The following STK32B variants were observed in gnomAD, a reference collection of about 807,000 sequenced individuals.
STK32B encodes serine/threonine-protein kinase 32B.
STK32B carries 43 observed loss-of-function variants against 52.6 expected under a neutral mutation model. The observed-to-expected ratio is 0.82, with a 90% CI of 0.64 to 1.05. STK32B has a LOEUF of 1.05. Among genes scored for constraint, STK32B ranks in the 50% least tolerant of loss-of-function variants. The pLI is 0.00. For synonymous variants in STK32B, 238 were observed against 204.3 expected (o/e 1.17, Z -1.41); for missense variants, 621 against 534.6 (o/e 1.16, Z -1.59).
intron 3 of STK32B, among the ~76,000 whole-genome samples, chr4:5,290,126 TC>T (rs1728800477): frequency 6.6e-6 from 1 of 152,278 alleles, no homozygotes; most frequent in Non-Finnish European, 1.5e-5. Context: ...GGTATTCTGT[TC>T]CTGGGTTAGT....
intron 3 of STK32B, among the ~76,000 whole-genome samples, chr4:5,290,371 T>A (rs1253791526): frequency 6.6e-6 from 1 of 152,210 alleles, no homozygotes; most frequent in Non-Finnish European, 1.5e-5. Context: ...TTCCTTTATA[T>A]GCTTATTCTA....
chr4:5,212,829 G>A (rs1057307032), intron 3 of STK32B, among the ~76,000 whole-genome samples: 2 of 152,188 alleles, frequency 1.3e-5, no homozygotes, highest in Non-Finnish European at 2.9e-5. Context: ...GCCTGCAAGA[G>A]ATCTCGATGA....
At chr4:5,305,052 T>C (rs1729831925) in intron 3 of STK32B, among the ~76,000 whole-genome samples, 1 of 146,432 alleles carries the variant, frequency 6.8e-6, no homozygotes, top group South Asian at 2.1e-4. Flanking sequence ...TTGATCATGG[T>C]GGATTATTTT....
intron 1 of STK32B, among the ~76,000 whole-genome samples, chr4:5,114,172 A>G (rs894859604): frequency 9.2e-5 from 14 of 151,592 alleles, no homozygotes; most frequent in African/African-American, 3.2e-4. Flanking sequence ...TCCCAGCTGA[A>G]CCTGTCACTC....
At chr4:5,490,134 TCTCA>T (rs1453288404) in intron 11 of STK32B, among the ~76,000 whole-genome samples, 1 of 150,870 alleles carries the variant, frequency 6.6e-6, no homozygotes, top group Admixed American at 6.6e-5. Context: ...TTCTAGACAG[TCTCA>T]CTCTGCCACC....
chr4:5,157,299 T>TAAAAAAAAA (rs59362249), intron 2 of STK32B, among the ~76,000 whole-genome samples: 2 of 101,570 alleles, frequency 2.0e-5, no homozygotes, highest in Non-Finnish European at 2.1e-5. Flanking sequence ...TGTGAGGATG[T>TAAAAAAAAA]AAAAAAAAAA....
intron 3 of STK32B, among the ~76,000 whole-genome samples, chr4:5,320,060 A>G (rs1158759473): frequency 1.3e-5 from 2 of 152,182 alleles, no homozygotes; most frequent in African/African-American, 2.4e-5. Context: ...GGAGGGTGGA[A>G]CAGACACTGA....
intron 3 of STK32B, among the ~76,000 whole-genome samples, chr4:5,204,978 A>G (rs886685999): frequency 2.0e-5 from 3 of 152,186 alleles, no homozygotes; most frequent in Non-Finnish European, 4.4e-5. Flanking sequence ...GCAGATTAGC[A>G]TTTGAATCAG....
intron 1 of STK32B, among the ~76,000 whole-genome samples, chr4:5,103,673 C>G (rs1274843263): frequency 6.6e-6 from 1 of 152,084 alleles, no homozygotes; most frequent in Non-Finnish European, 1.5e-5. Flanking sequence ...GTTTGCCCAT[C>G]TTGGGATTTA....
At chr4:5,087,157 C>T (rs1712777290) in intron 1 of STK32B, among the ~76,000 whole-genome samples, 1 of 151,882 alleles carries the variant, frequency 6.6e-6, no homozygotes, top group Admixed American at 6.6e-5. Flanking sequence ...GTGGTAAAAA[C>T]AGCATAAAGG....
chr4:5,054,654 T>C (rs1741928956), intron 1 of STK32B, among the ~76,000 whole-genome samples: 1 of 152,094 alleles, frequency 6.6e-6, no homozygotes, highest in Non-Finnish European at 1.5e-5. Context: ...TATAGGCATT[T>C]TGGAGTCACT....
rs145000047 is a variant in STK32B at position 5,118,779 on chromosome 4, G to A, written c.53-21126G>A. Among the ~76,000 whole-genome samples, 8 of 152,286 alleles carry A rather than the reference G, an allele frequency of 5.3e-5. No homozygotes were observed. In the East Asian group the frequency reaches 1.2e-3, roughly 22 times the overall value. ...TGGTCACTGCTCTTTCCCCAGCACC[G>A]ATCCCATGTCTGACCCAGGTGGGCT... On this transcript the variant is annotated intron_variant, in intron 1 of 11. Coordinates refer to ENST00000282908, the MANE Select transcript of STK32B (RefSeq NM_018401.3).
At chr4:5,229,038 TAAC>T (rs1724062988) in intron 3 of STK32B, among the ~76,000 whole-genome samples, 1 of 152,162 alleles carries the variant, frequency 6.6e-6, no homozygotes, top group Admixed American at 6.5e-5. Flanking sequence ...GTGTCTAAAA[TAAC>T]AATATATATA....
chr4:5,364,106 A>G (rs1413223384), intron 4 of STK32B, among the ~76,000 whole-genome samples: 1 of 151,946 alleles, frequency 6.6e-6, no homozygotes, highest in Non-Finnish European at 1.5e-5. Context: ...CCCACTGTCC[A>G]CAGGACAAAG....
chr4:5,436,191 G>A (rs1219734759), intron 6 of STK32B, among the ~76,000 whole-genome samples: 2 of 152,202 alleles, frequency 1.3e-5, no homozygotes, highest in Admixed American at 6.5e-5. Flanking sequence ...AAAGATTCCA[G>A]GATCAAGTCA....
rs372170189 is a variant in STK32B at position 5,343,709 on chromosome 4, G to A, written c.434+12316G>A. On this transcript the variant is annotated intron_variant, in intron 4 of 11. Coordinates refer to ENST00000282908, the MANE Select transcript of STK32B (RefSeq NM_018401.3). ...AACACCAAAAGCAATGGCAACACAA[G>A]CCAAAATTGACAAATGGGATCTAAT... 8.0e-4 allele frequency among the ~76,000 whole-genome samples: 122 copies of A among 152,256 alleles called. 1 individual carries two copies. Among genetic ancestry groups the A allele is most frequent in the African/African-American group, 2.6e-3 (106 of 41,554 alleles).
At chr4:5,210,090 C>T (rs746611225) in intron 3 of STK32B, among the ~76,000 whole-genome samples, 2 of 152,210 alleles carry the variant, frequency 1.3e-5, no homozygotes, top group Non-Finnish European at 2.9e-5. Flanking sequence ...GTCAAACACA[C>T]ACCCACAGCT....
chr4:5,274,275 C>T (rs10011642), intron 3 of STK32B, among the ~76,000 whole-genome samples: 2,345 of 152,058 alleles, frequency 0.015, 36 homozygotes, highest in East Asian at 0.072. Flanking sequence ...GTATTGGTGC[C>T]GAGACACACA....
chr4:5,236,292 TC>T (rs1478963293), intron 3 of STK32B, among the ~76,000 whole-genome samples: 5 of 152,088 alleles, frequency 3.3e-5, no homozygotes, highest in Non-Finnish European at 7.4e-5. Context: ...CAATCAAGCC[TC>T]CCCTCCAAGA....
Sources: allele counts gnomAD v4.1 joint callset (sites outside exome capture counted in the v4.1 genomes callset), GRCh38; gene constraint gnomAD v4.1.1; transcripts MANE v1.5; gene names NCBI Gene and HGNC (gene_info 2026-07-23, HGNC 2026-07-21).